Variants in CRLF3 observed in about 807,000 individuals in gnomAD.
The protein encoded by CRLF3 is cytokine receptor like factor 3.
A neutral mutation model predicts 55.0 loss-of-function variants in CRLF3; 33 were observed. The observed-to-expected ratio is 0.60, with a 90% CI of 0.46 to 0.80. The LOEUF (loss-of-function observed/expected upper bound fraction) is 0.80. Among genes scored for constraint, CRLF3 ranks in the 30% least tolerant of loss-of-function variants. The pLI, the probability that CRLF3 is intolerant of heterozygous loss-of-function variation, is 0.00. For synonymous variants in CRLF3, 238 were observed against 196.8 expected (o/e 1.21, Z -1.75); for missense variants, 494 against 538.4 (o/e 0.92, Z 0.82).
chr17:30,792,470 G>A lies in CRLF3; in HGVS notation c.929C>T (p.Thr310Ile), dbSNP rs779467150. 2 of 1,612,402 alleles carry A rather than the reference G, an allele frequency of 1.2e-6. No individual in the cohort carries two copies. Among genetic ancestry groups the A allele is most frequent in the South Asian group, 2.2e-5 (2 of 91,030 alleles). Reference sequence around the variant, plus strand: ...TGTTAATGTCTGCCCACAGAAATAAGTCGGAGCTCTGGAGTAGAGAACACC... The same window carrying A: ...TGTTAATGTCTGCCCACAGAAATAAATCGGAGCTCTGGAGTAGAGAACACC... ...SSGVLYSRAP[T>I]YFCGQTLTFR... Residue 310 changes from threonine to isoleucine, a missense_variant, in exon 6 of 8, where the codon ACT (threonine) becomes ATT (isoleucine). By Grantham distance (89) the Thr-to-Ile change is moderately conservative. Transcript: ENST00000324238.
intron 4 of CRLF3, among the ~76,000 whole-genome samples, 169 bp from the exon 5 acceptor site, chr17:30,793,841 CCCTT>C (rs781209335): frequency 4.6e-5 from 7 of 151,746 alleles, no homozygotes; most frequent in Non-Finnish European, 1.0e-4. Flanking sequence ...ATCATTATCT[CCCTT>C]CTTTTTTTTT....
At chr17:30,812,032 C>A (rs1302917941) in intron 1 of CRLF3, among the ~76,000 whole-genome samples, 6 of 151,480 alleles carry the variant, frequency 4.0e-5, no homozygotes. Flanking sequence ...ATGGCGTGAG[C>A]GGGGGAGGCG....
At chr17:30,793,966 G>A (rs556767471) in intron 4 of CRLF3, among the ~76,000 whole-genome samples, 11 of 151,968 alleles carry the variant, frequency 7.2e-5, no homozygotes, top group Non-Finnish European at 1.6e-4. Context: ...CACCCCACAA[G>A]TAGCTGGGAT....
chr17:30,797,389 GC>G lies in CRLF3; in HGVS notation c.346del (p.Ala116ProfsTer51). On this transcript the variant is annotated frameshift_variant, in exon 3 of 8. Transcript: ENST00000324238. LOFTEE classifies it high-confidence loss of function. Reference sequence around the variant, plus strand: ...CTCTTCTCCCACACCACCAAGCATGGCGATTTCACCTACAATCAAGAATAAG... The same window carrying G: ...CTCTTCTCCCACACCACCAAGCATGGGATTTCACCTACAATCAAGAATAAG... ...AEDLVREGEI[A>X]MLGGVGEENE... 6.2e-7 allele frequency: 1 copy of G among 1,613,316 alleles called. No homozygotes were observed. The highest frequency in any genetic ancestry group is 8.5e-7 in the Non-Finnish European group (1 of 1,179,366).
At chr17:30,817,904 C>CAAAAA (rs924297403) in intron 1 of CRLF3, among the ~76,000 whole-genome samples, 1 of 61,310 alleles carries the variant, frequency 1.6e-5, no homozygotes, top group African/African-American at 6.6e-5. Flanking sequence ...GACTCCATCC[C>CAAAAA]AAAAAAAAAA....
chr17:30,793,736 A>G, intron 4 of CRLF3, 64 bp from the exon 5 acceptor site: 1 of 1,208,224 alleles, frequency 8.3e-7, no homozygotes, highest in Non-Finnish European at 1.2e-6. Flanking sequence ...ATCACTGCTT[A>G]AAAATTTTGA....
chr17:30,807,132 A>G (rs1904431119), intron 1 of CRLF3, among the ~76,000 whole-genome samples: 1 of 152,152 alleles, frequency 6.6e-6, no homozygotes, highest in South Asian at 2.1e-4. Flanking sequence ...AATTCTAACT[A>G]TAAGCCACTC....
chr17:30,786,228 C>T, intron 6 of CRLF3, 197 bp from the exon 7 acceptor site: 1 of 453,446 alleles, frequency 2.2e-6, no homozygotes, highest in East Asian at 3.7e-5. Context: ...TTACAACAAT[C>T]TATGAGGTAG....
chr17:30,816,581 C>G (rs1445815665), intron 1 of CRLF3, among the ~76,000 whole-genome samples: 2 of 150,310 alleles, frequency 1.3e-5, no homozygotes, highest in African/African-American at 2.5e-5. Flanking sequence ...CCTCAGCCTC[C>G]TGGGCTCAAT....
intron 6 of CRLF3, among the ~76,000 whole-genome samples, chr17:30,788,596 C>CTTTTTTTTT (rs1429494338): frequency 8.3e-6 from 1 of 120,294 alleles, no homozygotes; most frequent in African/African-American, 3.5e-5. Flanking sequence ...AAAGTAGTGC[C>CTTTTTTTTT]TTCTTTTTTT....
chr17:30,817,708 C>A (rs1425588057), intron 1 of CRLF3, among the ~76,000 whole-genome samples: 1 of 147,124 alleles, frequency 6.8e-6, no homozygotes, highest in Non-Finnish European at 1.5e-5. Flanking sequence ...CAGATGGAGA[C>A]CATCCTGGCC....
rs541093043 is a variant in CRLF3 at position 30,792,718 on chromosome 17, G to T, written c.827-146C>A. 6.3e-6 allele frequency: 4 copies of T among 632,966 alleles called. No homozygotes were observed. In the South Asian group the frequency reaches 8.0e-5, roughly 13 times the overall value. 39.2% of individuals were successfully genotyped at this position (632,966 alleles called of 1,614,324 possible). On this transcript the variant is annotated intron_variant, in intron 5 of 7. Coordinates refer to ENST00000324238, the MANE Select transcript of CRLF3 (RefSeq NM_015986.4). ...TAAAATAAAAGATTCCATTAACAGG[G>T]TATCATGATCAGTCCCACAAATTAC... is the stretch of plus-strand genomic sequence containing the variant.
At chr17:30,800,933 C>G (rs1971998347) in intron 2 of CRLF3, 1 of 152,486 alleles carries the variant, frequency 6.6e-6, no homozygotes, top group East Asian at 1.9e-4. Flanking sequence ...TGCCACCATG[C>G]CTGGCTAACT....
At chr17:30,814,510 A>C (rs1429058860) in intron 1 of CRLF3, among the ~76,000 whole-genome samples, 1 of 151,882 alleles carries the variant, frequency 6.6e-6, no homozygotes, top group Non-Finnish European at 1.5e-5. Flanking sequence ...CAAAAAAATT[A>C]GCCGAGCGTG....
chr17:30,793,479 T>C lies in CRLF3; in HGVS notation c.797A>G (p.Gln266Arg). 6.2e-7 allele frequency: 1 copy of C among 1,614,102 alleles called. No homozygotes were observed. Among genetic ancestry groups the C allele is most frequent in the Middle Eastern group, 1.7e-4 (1 of 6,060 alleles). The change falls in exon 5 of 8, where the codon CAG (glutamine) becomes CGG (arginine). Residue 266 changes from glutamine (Q) to arginine (R), a missense_variant. By Grantham distance (43) the Gln-to-Arg change is conservative. Transcript: ENST00000324238. ...AGGCACCAATGTGGAATGACCTATC[T>C]GGGGGACACTCCAAGGACTCCACTC... is the stretch of plus-strand genomic sequence containing the variant. ...RQEWSPWSVP[Q>R]IGHSTLVPHE...
intron 1 of CRLF3, among the ~76,000 whole-genome samples, chr17:30,817,154 T>TAC (rs1474506692): frequency 2.0e-5 from 3 of 152,104 alleles, no homozygotes; most frequent in Non-Finnish European, 4.4e-5. Flanking sequence ...AATGAGGCTG[T>TAC]GGGACAGGCA....
chr17:30,792,716 G>A (rs1379927082), intron 5 of CRLF3, 144 bp from the exon 6 acceptor site: 2 of 646,454 alleles, frequency 3.1e-6, no homozygotes, highest in African/African-American at 1.9e-5. Flanking sequence ...TCCATTAACA[G>A]GGTATCATGA....
chr17:30,782,688 C>CT lies in CRLF3; in HGVS notation c.*1498dup, dbSNP rs977371880. The CT allele has an allele frequency of 6.6e-6, 1 of 152,058 alleles. No individual in the cohort carries two copies. Among genetic ancestry groups the CT allele is most frequent in the African/African-American group, 2.4e-5 (1 of 41,390 alleles). The allele number at this position is 152,058 out of a possible 1,614,324, so 9.4% of individuals were successfully genotyped here. ...AGAAGAAAAAAGTACACACACTGAA[C>CT]TTTTTTAGTTTTTTATTTTGATTCC... is the stretch of plus-strand genomic sequence containing the variant. On this transcript the variant is annotated 3_prime_UTR_variant, in exon 8 of 8. Transcript: ENST00000324238.
intron 2 of CRLF3, among the ~76,000 whole-genome samples, chr17:30,802,635 C>G (rs1054641133): frequency 1.4e-5 from 2 of 148,038 alleles, no homozygotes; most frequent in African/African-American, 5.0e-5. Context: ...GTTGCCCAGG[C>G]TGGTCTTAAA....
Sources: gnomAD v4.1 joint callset for allele counts (sites outside exome capture counted in the v4.1 genomes callset) on GRCh38, gnomAD v4.1.1 for gene constraint, MANE v1.5 for transcripts, NCBI Gene and HGNC (gene_info 2026-07-23, HGNC 2026-07-21) for gene names.